Variants in SLC25A48 observed in about 807,000 individuals in gnomAD.
SLC25A48 encodes the protein CTC-321K16.1.
SLC25A48 carries 29 observed loss-of-function variants against 32.2 expected under a neutral mutation model. That is an observed-to-expected ratio of 0.90 (90% CI 0.67 to 1.23). The LOEUF is 1.23. SLC25A48 is among the 50% of genes most tolerant of loss of function. The pLI is 0.00. For missense variants in SLC25A48, 399 were observed against 422.7 expected (o/e 0.94, Z 0.49); for synonymous variants, 164 against 172.3 (o/e 0.95, Z 0.38).
At chr5:135,612,480 C>T (rs1752096031) in intron 1 of SLC25A48, among the ~76,000 whole-genome samples, 1 of 152,166 alleles carries the variant, frequency 6.6e-6, no homozygotes, top group Non-Finnish European at 1.5e-5. Context: ...TAACTTCTAT[C>T]TATCTGTATC....
chr5:135,772,547 A>C (rs905906853), intron 3 of SLC25A48, among the ~76,000 whole-genome samples: 1 of 151,610 alleles, frequency 6.6e-6, no homozygotes, highest in Non-Finnish European at 1.5e-5. Context: ...TATTGTTTGC[A>C]ACATCAAGGG....
At chr5:135,601,415 C>T (rs564227508) in intron 1 of SLC25A48, among the ~76,000 whole-genome samples, 1 of 152,280 alleles carries the variant, frequency 6.6e-6, no homozygotes, top group East Asian at 1.9e-4. Context: ...TTCCTTAATT[C>T]TCACCTTCCT....
At chr5:135,678,261 T>C (rs1017225686) in intron 3 of SLC25A48, among the ~76,000 whole-genome samples, 5 of 152,182 alleles carry the variant, frequency 3.3e-5, no homozygotes, top group Non-Finnish European at 5.9e-5. Context: ...TTTCAAAAGA[T>C]CTGTCTTCAA....
chr5:135,781,209 C>A (rs1756709203), intron 3 of SLC25A48, among the ~76,000 whole-genome samples: 1 of 116,062 alleles, frequency 8.6e-6, no homozygotes, highest in African/African-American at 2.6e-5. Flanking sequence ...GCGATGTACA[C>A]CCCCGCTGTG....
At chr5:135,833,859 T>C (rs1758305529), upstream of SLC25A48, among the ~76,000 whole-genome samples, 1 of 152,178 alleles carries the variant, frequency 6.6e-6, no homozygotes, top group Non-Finnish European at 1.5e-5. Flanking sequence ...TCGCTTCATA[T>C]TAACCTGGAT....
At chr5:135,697,301 G>GGCTGCCCCTCCACAGT (rs140745829) in intron 3 of SLC25A48, among the ~76,000 whole-genome samples, 2 of 151,668 alleles carry the variant, frequency 1.3e-5, no homozygotes, top group Non-Finnish European at 2.9e-5. Flanking sequence ...GCAACACAGA[G>GGCTGCCCCTCCACAGT]GCTGCCCCTC....
intron 3 of SLC25A48, among the ~76,000 whole-genome samples, chr5:135,722,947 C>T (rs1208958123): frequency 6.6e-6 from 1 of 152,242 alleles, no homozygotes; most frequent in Admixed American, 6.5e-5. Flanking sequence ...GCTGGCTGCC[C>T]ATGAGGGGGT....
In SLC25A48 at chr5:135,631,000, T is replaced by C. The variant is rs1329099214; in HGVS notation, c.-709+1624T>C. On this transcript the variant is annotated intron_variant, in intron 2 of 10. Coordinates refer to the SLC25A48 transcript ENST00000646290. The stretch of plus-strand genomic sequence containing the variant: ...GAAGCTGGCAGCATCATCTCTACAC[T>C]GTTGGACCAGATAGAAGACATGGAA... 1.3e-5 allele frequency among the ~76,000 whole-genome samples: 2 copies of C among 152,170 alleles called. 1 individual carries two copies. Among genetic ancestry groups the C allele is most frequent in the Non-Finnish European group, 2.9e-5 (2 of 68,038 alleles).
At chr5:135,630,627 A>G in intron 2 of SLC25A48, among the ~76,000 whole-genome samples, 1 of 89,636 alleles carries the variant, frequency 1.1e-5, no homozygotes, top group South Asian at 4.1e-4. Flanking sequence ...TTTTTGAGAG[A>G]GTCATGCTCT....
intron 4 of SLC25A48, among the ~76,000 whole-genome samples, chr5:135,859,145 A>G (rs1424622886): frequency 2.6e-5 from 4 of 152,268 alleles, no homozygotes; most frequent in East Asian, 1.9e-4. Context: ...TATTAGTCCA[A>G]TCTCTTGCCA....
chr5:135,730,887 G>T (rs1345411211), intron 3 of SLC25A48, among the ~76,000 whole-genome samples: 2 of 152,198 alleles, frequency 1.3e-5, no homozygotes, highest in Non-Finnish European at 1.5e-5. Context: ...AGGAAACTGA[G>T]GTTCAGAGGG....
intron 1 of SLC25A48, among the ~76,000 whole-genome samples, chr5:135,836,970 A>ACC (rs764093952): frequency 2.9e-4 from 32 of 111,718 alleles, no homozygotes; most frequent in African/African-American, 1.3e-3. Context: ...CCCCCCCCCC[A>ACC]CCCCCCCCCC....
intron 3 of SLC25A48, among the ~76,000 whole-genome samples, chr5:135,692,191 G>A (rs937023600): frequency 5.3e-5 from 8 of 151,870 alleles, no homozygotes; most frequent in East Asian, 1.9e-4. Context: ...GGTGGCATGC[G>A]CCTGTAGTCC....
intron 3 of SLC25A48, among the ~76,000 whole-genome samples, chr5:135,799,691 C>T (rs1757274062): frequency 6.6e-6 from 1 of 151,696 alleles, no homozygotes; most frequent in Non-Finnish European, 1.5e-5. Flanking sequence ...AAAGGGTGGA[C>T]ATCTTTCCTG....
intron 3 of SLC25A48, among the ~76,000 whole-genome samples, chr5:135,687,600 C>G (rs1425810669): frequency 6.6e-6 from 1 of 151,884 alleles, no homozygotes; most frequent in Non-Finnish European, 1.5e-5. Context: ...AGATATCTTC[C>G]CTTTCCTCCT....
chr5:135,660,367 A>G (rs1242826746), intron 3 of SLC25A48, among the ~76,000 whole-genome samples: 1 of 152,112 alleles, frequency 6.6e-6, no homozygotes, highest in Non-Finnish European at 1.5e-5. Flanking sequence ...GACAACCACT[A>G]CTATGGTCTC....
At chr5:135,770,461 A>G (rs1274756553) in intron 3 of SLC25A48, among the ~76,000 whole-genome samples, 1 of 151,732 alleles carries the variant, frequency 6.6e-6, no homozygotes, top group African/African-American at 2.4e-5. Flanking sequence ...TCTAATATCC[A>G]TAGGCGGGAA....
At chr5:135,791,998 A>T (rs1188227054) in intron 3 of SLC25A48, among the ~76,000 whole-genome samples, 2 of 151,842 alleles carry the variant, frequency 1.3e-5, no homozygotes, top group Non-Finnish European at 2.9e-5. Context: ...GAATTACTTT[A>T]GGAAGATATA....
chr5:135,786,412 T>C (rs1041096468), intron 3 of SLC25A48, among the ~76,000 whole-genome samples: 4 of 152,102 alleles, frequency 2.6e-5, no homozygotes, highest in African/African-American at 9.7e-5. Flanking sequence ...CTACGCCATG[T>C]GTGTATACTC....
Sources: gnomAD v4.1 joint callset for allele counts (sites outside exome capture counted in the v4.1 genomes callset) on GRCh38, gnomAD v4.1.1 for gene constraint, MANE v1.5 for transcripts, NCBI Gene and HGNC (gene_info 2026-07-23, HGNC 2026-07-21) for gene names.